The following HAPSTR1 variants were observed in gnomAD, a reference collection of about 807,000 sequenced individuals.
HAPSTR1 encodes the protein HUWE1-associated protein modifying stress responses 1.
At chr16:9,103,539 T>G in the HAPSTR1 span, 6 of 329,216 alleles carry the variant, frequency 1.8e-5, no homozygotes, top group Non-Finnish European at 2.8e-5. Flanking sequence ...CGCTTTACAC[T>G]TATGTGTTGT....
the HAPSTR1 span, chr16:9,111,955 ATGACATTACAAAC>A: frequency 6.6e-6 from 1 of 152,148 alleles, no homozygotes; most frequent in Non-Finnish European, 1.5e-5. Flanking sequence ...CAATTTTCCC[ATGACATTACAAAC>A]TGTCTTTGAA....
At chr16:9,094,273 C>T in the HAPSTR1 span, among the ~76,000 whole-genome samples, 2 of 152,068 alleles carry the variant, frequency 1.3e-5, no homozygotes, top group African/African-American at 4.8e-5. Flanking sequence ...TAAATAGTGC[C>T]TCAGTGGTTA....
the HAPSTR1 span, chr16:9,106,416 A>C: frequency 6.7e-6 from 1 of 148,736 alleles, no homozygotes; most frequent in Admixed American, 6.8e-5. Context: ...AGTAGCTGGG[A>C]TTGTAGGCGC....
At chr16:9,105,391 A>G in the HAPSTR1 span, 1 of 152,232 alleles carries the variant, frequency 6.6e-6, no homozygotes, top group Non-Finnish European at 1.5e-5. Context: ...GTTGTGGTGA[A>G]GTAATAGGGC....
chr16:9,115,644 C>T, the HAPSTR1 span, among the ~76,000 whole-genome samples: 7 of 152,114 alleles, frequency 4.6e-5, no homozygotes, highest in Non-Finnish European at 8.8e-5. Flanking sequence ...GTTTTTGAGA[C>T]GGAGTTTCGC....
chr16:9,119,770 G>A, the HAPSTR1 span: 8 of 152,174 alleles, frequency 5.3e-5, no homozygotes, highest in Non-Finnish European at 1.0e-4. Context: ...ATGAAGTTTA[G>A]GCTTTTAAAA....
the HAPSTR1 span, among the ~76,000 whole-genome samples, chr16:9,101,428 AGAG>A: frequency 6.6e-6 from 1 of 152,240 alleles, no homozygotes; most frequent in South Asian, 2.1e-4. Context: ...CCACCTTCTC[AGAG>A]TTGTGATGGA....
the HAPSTR1 span, among the ~76,000 whole-genome samples, chr16:9,096,514 T>A: frequency 6.6e-6 from 1 of 152,330 alleles, no homozygotes; most frequent in South Asian, 2.1e-4. Flanking sequence ...ATGTCTCACT[T>A]CAGTGTGGCC....
the HAPSTR1 span, among the ~76,000 whole-genome samples, chr16:9,095,348 A>C: frequency 6.6e-6 from 1 of 152,230 alleles, no homozygotes; most frequent in Non-Finnish European, 1.5e-5. Flanking sequence ...AACCAATAAA[A>C]TTAGCAAGGT....
chr16:9,096,560 A>G, the HAPSTR1 span, among the ~76,000 whole-genome samples: 11 of 152,188 alleles, frequency 7.2e-5, no homozygotes, highest in African/African-American at 2.2e-4. Context: ...AACTGAGCAT[A>G]ACTGTAAATG....
chr16:9,105,325 C>T, the HAPSTR1 span: 1 of 152,192 alleles, frequency 6.6e-6, no homozygotes, highest in Admixed American at 6.5e-5. Flanking sequence ...AGATTGGAGA[C>T]TGAATGCATT....
At chr16:9,093,158 C>G in the HAPSTR1 span, among the ~76,000 whole-genome samples, 1 of 152,138 alleles carries the variant, frequency 6.6e-6, no homozygotes, top group African/African-American at 2.4e-5. Flanking sequence ...GCTAGATCCA[C>G]CGGAGGCGAT....
At chr16:9,121,554 C>G in the HAPSTR1 span, 1 of 146,582 alleles carries the variant, frequency 6.8e-6, no homozygotes, top group East Asian at 2.0e-4. Context: ...GTCTGGGAAC[C>G]TAGGTAAGTT....
At chr16:9,099,157 T>C in the HAPSTR1 span, among the ~76,000 whole-genome samples, 15 of 151,828 alleles carry the variant, frequency 9.9e-5, no homozygotes, top group Non-Finnish European at 1.6e-4. Context: ...AAGGGAAATA[T>C]GGGATACCTG....
chr16:9,100,884 C>A, the HAPSTR1 span, among the ~76,000 whole-genome samples: 2 of 152,294 alleles, frequency 1.3e-5, no homozygotes, highest in South Asian at 4.1e-4. Context: ...TCTTGTATCC[C>A]TTTTACTATG....
chr16:9,106,251 G>GA, the HAPSTR1 span: 4 of 147,176 alleles, frequency 2.7e-5, no homozygotes, highest in Non-Finnish European at 4.5e-5. Flanking sequence ...CCTATTTAAA[G>GA]AAAAAAAAGT....
At chr16:9,101,279 AC>A in the HAPSTR1 span, among the ~76,000 whole-genome samples, 2 of 152,210 alleles carry the variant, frequency 1.3e-5, no homozygotes, top group Admixed American at 6.5e-5. Flanking sequence ...ACTGTTATTT[AC>A]ATTCAAAATG....
chr16:9,119,722 T>G, the HAPSTR1 span: 1 of 152,238 alleles, frequency 6.6e-6, no homozygotes, highest in Non-Finnish European at 1.5e-5. Flanking sequence ...CAGTTTTGTT[T>G]TGGTCATCAC....
chr16:9,099,165 C>T, the HAPSTR1 span, among the ~76,000 whole-genome samples: 52 of 151,330 alleles, frequency 3.4e-4, no homozygotes, highest in African/African-American at 1.3e-3. Context: ...TATGGGATAC[C>T]TGCTATGACT....
Sources: allele counts gnomAD v4.1 joint callset (sites outside exome capture counted in the v4.1 genomes callset), GRCh38; gene constraint gnomAD v4.1.1; transcripts MANE v1.5; gene names NCBI Gene and HGNC (gene_info 2026-07-23, HGNC 2026-07-21).